Variants in ST8SIA4 observed in about 807,000 individuals in gnomAD.
ST8SIA4 encodes CMP-N-acetylneuraminate-poly-alpha-2,8-sialyltransferase.
ST8SIA4 carries 15 observed loss-of-function variants against 33.9 expected under a neutral mutation model. The observed-to-expected ratio is 0.44, with a 90% CI of 0.30 to 0.68. The LOEUF is 0.68. ST8SIA4 is among the 30% of genes least tolerant of loss of function. ST8SIA4 has a pLI of 0.10. For synonymous variants in ST8SIA4, 171 were observed against 151.2 expected (o/e 1.13, Z -0.96); for missense variants, 321 against 428.0 (o/e 0.75, Z 2.21).
intron 4 of ST8SIA4, among the ~76,000 whole-genome samples, chr5:100,834,890 A>G (rs1223849069): frequency 1.3e-5 from 2 of 151,924 alleles, no homozygotes; most frequent in Non-Finnish European, 2.9e-5. Context: ...AGAACCATGA[A>G]CCAATTAAAT....
chr5:100,881,442 T>C (rs1225456335), intron 3 of ST8SIA4, among the ~76,000 whole-genome samples: 2 of 152,208 alleles, frequency 1.3e-5, no homozygotes, highest in African/African-American at 4.8e-5. Context: ...ATGTCAACAT[T>C]ATTCTCAAAG....
intron 4 of ST8SIA4, among the ~76,000 whole-genome samples, chr5:100,815,472 T>C (rs1208921388): frequency 6.6e-6 from 1 of 151,760 alleles, no homozygotes; most frequent in Non-Finnish European, 1.5e-5. Flanking sequence ...TTCCTTCCCT[T>C]TTGTTTTATT....
chr5:100,861,988 T>C (rs1259277367), intron 3 of ST8SIA4, among the ~76,000 whole-genome samples: 2 of 152,204 alleles, frequency 1.3e-5, no homozygotes, highest in Admixed American at 6.5e-5. Context: ...CAATCTATTA[T>C]GATAATAAAT....
chr5:100,902,848 G>A lies in ST8SIA4; in HGVS notation c.108C>T (p.Leu36=), dbSNP rs748987335. ...ARTEEHQETQ[L]IGDGELSLSR... ...AAATGAAGCTTTGCATTTACCCGAT[G>A]AGTTGCGTCTCCTGGTGCTCCTCAG... Residue 36 remains leucine, a synonymous_variant, in exon 1 of 5, where the codon CTC becomes CTT. Coordinates refer to ENST00000231461, the MANE Select transcript of ST8SIA4 (RefSeq NM_005668.6). 3 of 1,612,576 alleles carry A rather than the reference G, an allele frequency of 1.9e-6. No homozygotes were observed. The highest frequency in any genetic ancestry group is 3.3e-5 in the Admixed American group (2 of 60,024).
At chr5:100,880,964 T>C (rs1171666323) in intron 3 of ST8SIA4, among the ~76,000 whole-genome samples, 2 of 152,216 alleles carry the variant, frequency 1.3e-5, no homozygotes, top group Non-Finnish European at 2.9e-5. Context: ...AAAACACATA[T>C]ATCTACATTC....
intron 1 of ST8SIA4, among the ~76,000 whole-genome samples, chr5:100,896,550 T>A (rs1752783977): frequency 6.6e-6 from 1 of 152,132 alleles, no homozygotes; most frequent in Non-Finnish European, 1.5e-5. Context: ...TATTGTATAT[T>A]TTTAAGTAGC....
At chr5:100,863,502 C>A (rs946757423) in intron 3 of ST8SIA4, among the ~76,000 whole-genome samples, 2 of 152,126 alleles carry the variant, frequency 1.3e-5, no homozygotes, top group Non-Finnish European at 2.9e-5. Context: ...GAAGTAAAAT[C>A]CACTCATGGA....
In ST8SIA4 at chr5:100,856,096, C is replaced by T. The variant is rs765609785; in HGVS notation, c.797+7G>A. ...CAAGGACAAACTGGTCCTTTCCAGT[C>T]ACTTACCCTCTGACAGCATGAATAA... is the stretch of plus-strand genomic sequence containing the variant. On this transcript the variant is annotated splice_region_variant and intron_variant, in intron 4 of 4. Transcript: ENST00000231461. 1.2e-6 allele frequency: 2 copies of T among 1,612,388 alleles called. No homozygotes were observed. Among genetic ancestry groups the T allele is most frequent in the African/African-American group, 2.7e-5 (2 of 74,890 alleles).
intron 4 of ST8SIA4, among the ~76,000 whole-genome samples, chr5:100,825,248 A>G (rs1010092501): frequency 5.3e-5 from 8 of 152,142 alleles, no homozygotes; most frequent in Admixed American, 5.2e-4. Context: ...AAAGATAGAC[A>G]TGAGATTTCA....
At chr5:100,812,581 G>T (rs1314539816) in intron 4 of ST8SIA4, among the ~76,000 whole-genome samples, 1 of 151,966 alleles carries the variant, frequency 6.6e-6, no homozygotes, top group African/African-American at 2.4e-5. Flanking sequence ...AAAATCCAAA[G>T]AAATAAATGC....
chr5:100,847,170 C>T (rs1216083519), intron 4 of ST8SIA4, among the ~76,000 whole-genome samples: 1 of 151,988 alleles, frequency 6.6e-6, no homozygotes, highest in Non-Finnish European at 1.5e-5. Context: ...AAAATAGAAA[C>T]CATATGGAAA....
At chr5:100,886,047 A>T in intron 3 of ST8SIA4, 2 of 1,108,458 alleles carry the variant, frequency 1.8e-6, no homozygotes, top group Non-Finnish European at 1.1e-6. Flanking sequence ...CTAAGAAAAA[A>T]GTTTGTGTGG....
At chr5:100,848,959 C>A in intron 4 of ST8SIA4, 1 of 190,544 alleles carries the variant, frequency 5.2e-6, no homozygotes, top group Non-Finnish European at 9.6e-6. Context: ...TATATTTCTT[C>A]TGCTGTCAAG....
chr5:100,898,910 A>T (rs1752836722), intron 1 of ST8SIA4, among the ~76,000 whole-genome samples: 1 of 152,216 alleles, frequency 6.6e-6, no homozygotes. Context: ...CACATAAATC[A>T]ATATAATACA....
At chr5:100,846,956 G>C (rs1206442215) in intron 4 of ST8SIA4, among the ~76,000 whole-genome samples, 1 of 152,086 alleles carries the variant, frequency 6.6e-6, no homozygotes, top group Non-Finnish European at 1.5e-5. Context: ...CATTGTGACT[G>C]AAGGGTAACC....
At position 100,871,164 on chromosome 5, in the gene ST8SIA4, A is replaced by AT. The variant is rs551971528; in HGVS notation, c.504-14769dup. Among the ~76,000 whole-genome samples the AT allele has an allele frequency of 4.0e-3, 611 of 151,832 alleles. 5 individuals are homozygous for AT. The highest frequency in any genetic ancestry group is 0.014 in the African/African-American group (585 of 41,412). ...TTGTGAACATGTAGAAAAATAAGATATTTTTTTTCTGTTCCAGAAAAGTCT... is the reference window on the plus strand; with the variant it reads ...TTGTGAACATGTAGAAAAATAAGATATTTTTTTTTCTGTTCCAGAAAAGTCT... On this transcript the variant is annotated intron_variant, in intron 3 of 4. Transcript: ENST00000231461.
chr5:100,849,733 T>C (rs1297891529), intron 4 of ST8SIA4, among the ~76,000 whole-genome samples: 2 of 152,018 alleles, frequency 1.3e-5, no homozygotes, highest in Non-Finnish European at 2.9e-5. Flanking sequence ...AGGCGGAGGT[T>C]GCAGTGAGCC....
rs141236391 is a variant in ST8SIA4 at position 100,898,620 on chromosome 5, A to G, written c.114-2835T>C. On this transcript the variant is annotated intron_variant, in intron 1 of 4. Coordinates refer to ENST00000231461, the MANE Select transcript of ST8SIA4 (RefSeq NM_005668.6). ...GTGGGAGAAGGTCAAACTTAGTACA[A>G]TCTGAAGCTCTAGAGTAAATTTCTC... Among the ~76,000 whole-genome samples the G allele has an allele frequency of 6.1e-3, 935 of 152,286 alleles. 14 individuals carry two copies. Among genetic ancestry groups the G allele is most frequent in the African/African-American group, 0.022 (894 of 41,550 alleles).
chr5:100,827,058 C>T (rs1349278680), intron 4 of ST8SIA4, among the ~76,000 whole-genome samples: 9 of 151,962 alleles, frequency 5.9e-5, no homozygotes, highest in South Asian at 4.2e-4. Flanking sequence ...GGGTGATACA[C>T]GTTAATTCCT....
Sources: allele counts gnomAD v4.1 joint callset (sites outside exome capture counted in the v4.1 genomes callset), GRCh38; gene constraint gnomAD v4.1.1; transcripts MANE v1.5; gene names NCBI Gene and HGNC (gene_info 2026-07-23, HGNC 2026-07-21).